The following MOB3B variants were observed in gnomAD, a reference collection of about 807,000 sequenced individuals.
The protein encoded by MOB3B is MOB kinase activator 3B.
In MOB3B, 7 loss-of-function variants were observed where a neutral mutation model predicts 18.7. That is an observed-to-expected ratio of 0.37 (90% CI 0.21 to 0.70). MOB3B has a LOEUF of 0.70. MOB3B is among the 30% of genes least tolerant of loss of function. The pLI, the probability that MOB3B is intolerant of heterozygous loss-of-function variation, is 0.52. For missense variants in MOB3B, 253 were observed against 281.3 expected, an observed-to-expected ratio of 0.90 and a Z score of 0.72; for synonymous variants, 111 against 99.9, an observed-to-expected ratio of 1.11 and a Z score of -0.66.
chr9:27,457,513 G>A (rs1023498733), intron 1 of MOB3B, among the ~76,000 whole-genome samples: 10 of 152,196 alleles, frequency 6.6e-5, no homozygotes, highest in African/African-American at 2.4e-4. Context: ...ATATACCTAA[G>A]ACATCCTGAT....
At chr9:27,389,113 C>G (rs997641146) in intron 2 of MOB3B, among the ~76,000 whole-genome samples, 1 of 152,112 alleles carries the variant, frequency 6.6e-6, no homozygotes, top group Non-Finnish European at 1.5e-5. Flanking sequence ...AGCCCTTTGC[C>G]GTGGACTGAA....
At chr9:27,416,834 C>T (rs1041972349) in intron 2 of MOB3B, among the ~76,000 whole-genome samples, 4 of 152,106 alleles carry the variant, frequency 2.6e-5, no homozygotes, top group African/African-American at 7.2e-5. Flanking sequence ...CCACGGCTAG[C>T]TCATCTTTCC....
In MOB3B at chr9:27,330,636, G is replaced by C; in HGVS notation, c.622-20C>G. The C allele has an allele frequency of 6.2e-7, 1 of 1,614,044 alleles. No homozygotes were observed. Among genetic ancestry groups the C allele is most frequent in the African/African-American group, 1.3e-5 (1 of 75,042 alleles). ...TTCTTTCTGGAAAGCAAGGGGAAAA[G>C]GATGGTTAGGAGAAACTATAAGCAG... On this transcript the variant is annotated intron_variant, in intron 3 of 3. Transcript: ENST00000262244.
chr9:27,417,604 T>C (rs1205100434), intron 2 of MOB3B, among the ~76,000 whole-genome samples: 1 of 152,212 alleles, frequency 6.6e-6, no homozygotes, highest in Non-Finnish European at 1.5e-5. Context: ...TCTCAGCTTC[T>C]GCTGAGAATC....
rs1244151546 is a variant in MOB3B, at chr9:27,526,300, TCAG to T, written c.-199+3252_-199+3254del. Reference sequence around the variant, plus strand: ...TGTGGATCATGGTATATGCAGGCTATCAGCAGAAGGATCAGACAATAAAATGAG... The same window carrying T: ...TGTGGATCATGGTATATGCAGGCTATCAGAAGGATCAGACAATAAAATGAG... On this transcript the variant is annotated intron_variant, in intron 1 of 3. Transcript: ENST00000262244. The T allele has an allele frequency of 2.8e-4, 42 of 152,332 alleles. 1 individual carries two copies. The highest frequency in any genetic ancestry group is 9.9e-4 in the African/African-American group (41 of 41,570). 9.4% of individuals were successfully genotyped at this position (152,332 alleles called of 1,614,324 possible).
intron 3 of MOB3B, among the ~76,000 whole-genome samples, chr9:27,343,700 C>CTTTTTTT (rs58115889): frequency 8.1e-6 from 1 of 123,956 alleles, no homozygotes; most frequent in African/African-American, 3.1e-5. Context: ...GAATTTTAGC[C>CTTTTTTT]TTTTTTTTTT....
chr9:27,475,248 C>T (rs2131471154), intron 1 of MOB3B, among the ~76,000 whole-genome samples: 1 of 152,244 alleles, frequency 6.6e-6, no homozygotes, highest in Admixed American at 6.5e-5. Flanking sequence ...ACTGAGTAAG[C>T]TCCGAGGCGG....
intron 2 of MOB3B, among the ~76,000 whole-genome samples, chr9:27,418,091 CAAAAA>C (rs57850999): frequency 6.6e-4 from 29 of 44,084 alleles, no homozygotes; most frequent in African/African-American, 1.6e-3. Context: ...GACTCCACCT[CAAAAA>C]AAAAAAAAAA....
chr9:27,425,274 C>T (rs1822309652), intron 2 of MOB3B, among the ~76,000 whole-genome samples: 1 of 151,560 alleles, frequency 6.6e-6, no homozygotes, highest in African/African-American at 2.4e-5. Flanking sequence ...ACTCGGGAGG[C>T]TGAGGCAGGA....
intron 3 of MOB3B, among the ~76,000 whole-genome samples, chr9:27,348,361 C>G (rs1821059228): frequency 6.8e-6 from 1 of 146,062 alleles, no homozygotes; most frequent in African/African-American, 2.8e-5. Flanking sequence ...TTTCTCTCTT[C>G]AAGAAATATG....
chr9:27,463,074 G>C (rs949861022), intron 1 of MOB3B, among the ~76,000 whole-genome samples: 1 of 152,132 alleles, frequency 6.6e-6, no homozygotes, highest in Non-Finnish European at 1.5e-5. Context: ...AGCAAGTACT[G>C]AATATAGTAT....
At chr9:27,427,253 A>G (rs1306109016) in intron 2 of MOB3B, among the ~76,000 whole-genome samples, 1 of 152,184 alleles carries the variant, frequency 6.6e-6, no homozygotes, top group Non-Finnish European at 1.5e-5. Flanking sequence ...TTTATGTTCA[A>G]CAAAAGGAGA....
chr9:27,433,007 A>T (rs1822438926), intron 2 of MOB3B, among the ~76,000 whole-genome samples: 1 of 152,160 alleles, frequency 6.6e-6, no homozygotes, highest in African/African-American at 2.4e-5. Flanking sequence ...TCTCTTGAGA[A>T]TATTATCTTT....
intron 1 of MOB3B, among the ~76,000 whole-genome samples, chr9:27,509,911 G>A (rs1246203785): frequency 6.6e-6 from 1 of 152,154 alleles, no homozygotes; most frequent in African/African-American, 2.4e-5. Flanking sequence ...TTTTAGTAGA[G>A]ATGGGGTTTC....
chr9:27,490,419 C>A (rs1419799165), intron 1 of MOB3B, among the ~76,000 whole-genome samples: 1 of 152,104 alleles, frequency 6.6e-6, no homozygotes, highest in Non-Finnish European at 1.5e-5. Flanking sequence ...AGATTCCTTG[C>A]AGATTAAGAA....
chr9:27,345,132 C>T (rs538005646), intron 3 of MOB3B, among the ~76,000 whole-genome samples: 1 of 152,298 alleles, frequency 6.6e-6, no homozygotes, highest in East Asian at 1.9e-4. Context: ...TTGTCGTCTT[C>T]ACTGAAATGG....
At chr9:27,403,993 T>C (rs1310754603) in intron 2 of MOB3B, among the ~76,000 whole-genome samples, 1 of 152,218 alleles carries the variant, frequency 6.6e-6, no homozygotes, top group Non-Finnish European at 1.5e-5. Context: ...TATTGTTAAC[T>C]ATAGTCGCTC....
At chr9:27,444,882 T>C (rs1050670210) in intron 2 of MOB3B, among the ~76,000 whole-genome samples, 3 of 152,228 alleles carry the variant, frequency 2.0e-5, no homozygotes, top group Non-Finnish European at 4.4e-5. Flanking sequence ...CTAGTTAATA[T>C]AATTATTACT....
intron 2 of MOB3B, among the ~76,000 whole-genome samples, chr9:27,436,026 C>G (rs892224689): frequency 2.6e-5 from 4 of 152,140 alleles, no homozygotes; most frequent in Non-Finnish European, 4.4e-5. Flanking sequence ...AGGGATGCCT[C>G]AGTTTTCTCA....
Sources: allele counts gnomAD v4.1 joint callset (sites outside exome capture counted in the v4.1 genomes callset), GRCh38; gene constraint gnomAD v4.1.1; transcripts MANE v1.5; gene names NCBI Gene and HGNC (gene_info 2026-07-23, HGNC 2026-07-21).